The following SIRPD variants were observed in gnomAD, a reference collection of about 807,000 sequenced individuals.
SIRPD encodes signal regulatory protein delta.
In SIRPD, 21 loss-of-function variants were observed where a neutral mutation model predicts 18.0. That is an observed-to-expected ratio of 1.17 (90% CI 0.83 to 1.68). The LOEUF is 1.68. SIRPD is among the 40% of genes most tolerant of loss of function. SIRPD has a pLI of 0.00. For synonymous variants in SIRPD, 106 were observed against 92.9 expected, an observed-to-expected ratio of 1.14 and a Z score of -0.81; for missense variants, 295 against 238.4, an observed-to-expected ratio of 1.24 and a Z score of -1.56.
Position 1,551,914 on chromosome 20 carries a change from C to G in SIRPD, c.198G>C (p.Lys66Asn). The G allele has an allele frequency of 6.2e-7, 1 of 1,614,080 alleles. No individual in the cohort carries two copies. The highest frequency in any genetic ancestry group is 8.5e-7 in the Non-Finnish European group (1 of 1,180,004). ...TLPNGPVLWF[K>N]GTGPNRKLIY... ...TTAATTTCCGGTTTGGCCCTGTTCC[C>G]TTGAACCACAAGACAGGTCCATTTG... The change falls in exon 2 of 4, where the codon AAG becomes AAC. Residue 66 changes from lysine to asparagine, a missense_variant. By Grantham distance (94) the Lys-to-Asn change is moderately conservative. Transcript: ENST00000381623.
intron 3 of SIRPD, 28 bp downstream of exon 3, chr20:1,537,127 C>T: frequency 6.2e-7 from 1 of 1,608,506 alleles, no homozygotes; most frequent in Non-Finnish European, 8.5e-7. Context: ...ATCCCTGCAT[C>T]ATGGTACCTG....
intron 2 of SIRPD, among the ~76,000 whole-genome samples, chr20:1,550,273 C>T (rs560293553): frequency 6.6e-6 from 1 of 152,204 alleles, no homozygotes; most frequent in South Asian, 2.1e-4. Context: ...CTCCCATGGA[C>T]CTCCTCTCCC....
At position 1,541,245 on chromosome 20, in the gene SIRPD, C is replaced by G. The variant is rs181067999; in HGVS notation, c.422-3935G>C. ...TCCACAATGGTTGAAGTAATTTACA[C>G]TCCCACCAACAGTGTAAAAGCATTC... is the stretch of plus-strand genomic sequence containing the variant. On this transcript the variant is annotated intron_variant, in intron 2 of 3. Transcript: ENST00000381623. Among the ~76,000 whole-genome samples the G allele has an allele frequency of 7.5e-3, 1,143 of 152,278 alleles. 5 individuals carry two copies. The highest frequency in any genetic ancestry group is 0.013 in the Non-Finnish European group (877 of 68,004).
intron 2 of SIRPD, 27 bp downstream of exon 2, chr20:1,551,664 G>T (rs377202945): frequency 1.3e-6 from 2 of 1,530,506 alleles, no homozygotes; most frequent in Non-Finnish European, 1.8e-6. Flanking sequence ...TACACCAGGG[G>T]GTATGGGGTA....
chr20:1,551,668 T>TA, intron 2 of SIRPD, 23 bp downstream of exon 2: 1 of 1,560,722 alleles, frequency 6.4e-7, no homozygotes. Context: ...CCAGGGGGTA[T>TA]GGGGTATAGG....
At chr20:1,552,654 G>A (rs919640082) in intron 1 of SIRPD, among the ~76,000 whole-genome samples, 2 of 152,092 alleles carry the variant, frequency 1.3e-5, no homozygotes, top group Non-Finnish European at 2.9e-5. Context: ...CTACAATTTT[G>A]GAGGTTCTCA....
rs2090978721 is a variant in SIRPD, at chr20:1,542,953, A to G, written c.422-5643T>C. 2.6e-5 allele frequency among the ~76,000 whole-genome samples: 4 copies of G among 152,168 alleles called. No homozygotes were observed. In the South Asian group the frequency reaches 8.3e-4, roughly 32 times the overall value. On this transcript the variant is annotated intron_variant, in intron 2 of 3. Coordinates refer to ENST00000381623, the MANE Select transcript of SIRPD (RefSeq NM_178460.3). ...ACGTTTATTGATTTCCATATGTTGA[A>G]CCAGCCTTGCATCCCAGGGATGAAG... is the stretch of plus-strand genomic sequence containing the variant.
At chr20:1,542,670 A>G (rs1055712393) in intron 2 of SIRPD, among the ~76,000 whole-genome samples, 1 of 152,140 alleles carries the variant, frequency 6.6e-6, no homozygotes, top group African/African-American at 2.4e-5. Context: ...TACTTCCCAT[A>G]CTATGTTGAA....
intron 2 of SIRPD, among the ~76,000 whole-genome samples, chr20:1,543,471 G>GCGA (rs1568667353): frequency 6.6e-6 from 1 of 151,784 alleles, no homozygotes; most frequent in African/African-American, 2.4e-5. Context: ...TGGGATCAGG[G>GCGA]TATTCCCTTC....
chr20:1,551,923 C>T lies in SIRPD; in HGVS notation c.189G>A (p.Leu63=), dbSNP rs1298980820. The T allele has an allele frequency of 1.9e-6, 3 of 1,614,086 alleles. No individual in the cohort carries two copies. Among genetic ancestry groups the T allele is most frequent in the Non-Finnish European group, 2.5e-6 (3 of 1,179,998 alleles). The change falls in exon 2 of 4, where the codon TTG becomes TTA. Residue 63 remains leucine (L), a synonymous_variant. Coordinates refer to ENST00000381623, the MANE Select transcript of SIRPD (RefSeq NM_178460.3). Reference sequence around the variant, plus strand: ...GGTTTGGCCCTGTTCCCTTGAACCACAAGACAGGTCCATTTGGTAAGGTAT... The same window carrying T: ...GGTTTGGCCCTGTTCCCTTGAACCATAAGACAGGTCCATTTGGTAAGGTAT... ...VPNTLPNGPV[L]WFKGTGPNRK... is the part of the protein sequence containing the mutation.
chr20:1,537,571 G>A (rs920704342), intron 2 of SIRPD, among the ~76,000 whole-genome samples: 3 of 152,172 alleles, frequency 2.0e-5, no homozygotes, highest in African/African-American at 7.2e-5. Context: ...AGGAGCCCAG[G>A]AACAGGGTCT....
At chr20:1,555,114 T>A (rs2091034598) in intron 1 of SIRPD, among the ~76,000 whole-genome samples, 1 of 152,116 alleles carries the variant, frequency 6.6e-6, no homozygotes, top group South Asian at 2.1e-4. Flanking sequence ...TACACACACA[T>A]ACACACACAC....
intron 2 of SIRPD, 76 bp from the exon 3 acceptor site, chr20:1,537,386 T>G (rs2090951620): frequency 6.9e-7 from 1 of 1,452,282 alleles, no homozygotes; most frequent in East Asian, 2.3e-5. Flanking sequence ...GGCTGTAGGA[T>G]TATGACCGTT....
intron 2 of SIRPD, 83 bp from the exon 3 acceptor site, chr20:1,537,393 C>G (rs926996651): frequency 1.4e-6 from 2 of 1,421,222 alleles, no homozygotes; most frequent in African/African-American, 1.4e-5. Flanking sequence ...GGATTATGAC[C>G]GTTCCAGTTT....
At chr20:1,539,014 C>T (rs2090959923) in intron 2 of SIRPD, among the ~76,000 whole-genome samples, 1 of 152,184 alleles carries the variant, frequency 6.6e-6, no homozygotes, top group African/African-American at 2.4e-5. Flanking sequence ...TCCCCACCCC[C>T]ACTGACCACA....
At chr20:1,538,367 G>A (rs992219653) in intron 2 of SIRPD, among the ~76,000 whole-genome samples, 4 of 152,150 alleles carry the variant, frequency 2.6e-5, no homozygotes, top group African/African-American at 7.2e-5. Flanking sequence ...TCTTGACAAG[G>A]AACTGGCCAG....
At chr20:1,550,839 T>C (rs574768367) in intron 2 of SIRPD, among the ~76,000 whole-genome samples, 1 of 152,220 alleles carries the variant, frequency 6.6e-6, no homozygotes, top group Admixed American at 6.5e-5. Flanking sequence ...GTAGATAATA[T>C]AGATGAAATG....
chr20:1,555,970 A>AGGTCTTTGT (rs567906617), intron 1 of SIRPD, among the ~76,000 whole-genome samples: 36 of 152,292 alleles, frequency 2.4e-4, no homozygotes, highest in Admixed American at 7.9e-4. Context: ...GGCAGAATTC[A>AGGTCTTTGT]GGTCTTTGTG....
At chr20:1,539,367 A>G (rs1416861635) in intron 2 of SIRPD, among the ~76,000 whole-genome samples, 1 of 152,234 alleles carries the variant, frequency 6.6e-6, no homozygotes, top group African/African-American at 2.4e-5. Flanking sequence ...ATATTTCAAG[A>G]TTTGTTGAGA....
Sources: allele counts gnomAD v4.1 joint callset (sites outside exome capture counted in the v4.1 genomes callset), GRCh38; gene constraint gnomAD v4.1.1; transcripts MANE v1.5; gene names NCBI Gene and HGNC (gene_info 2026-07-23, HGNC 2026-07-21).